COL5A1: variants seen among roughly 807,000 people sequenced by gnomAD.
COL5A1 encodes collagen alpha-1(V) chain.
Under a neutral mutation model 263.7 loss-of-function variants are expected in COL5A1, and 16 were observed. The observed-to-expected ratio is 0.06, with a 90% CI of 0.04 to 0.09. COL5A1 has a LOEUF of 0.09. Among genes scored for constraint, COL5A1 ranks in the 10% least tolerant of loss-of-function variants. The pLI, the probability that COL5A1 is intolerant of heterozygous loss-of-function variation, is 1.00. For missense variants in COL5A1, 2,036 were observed against 2,540.5 expected (o/e 0.80, Z 4.27); for synonymous variants, 1,012 against 1,004.5 (o/e 1.01, Z -0.14).
In COL5A1 at chr9:134,814,156, C is replaced by T. The variant is rs1473559922; in HGVS notation, c.3906+120C>T. On this transcript the variant is annotated intron_variant, in intron 49 of 65. Transcript: ENST00000371817. ...TCCATCCACGAAATGGGAGTTGTAA[C>T]CCCTCTTGTGCCCATTTCATGGAAT... 20 of 990,166 alleles carry T rather than the reference C, an allele frequency of 2.0e-5. No individual in the cohort carries two copies. In the East Asian group the frequency reaches 5.0e-4, roughly 25 times the overall value. 61.3% of individuals were successfully genotyped at this position (990,166 alleles called of 1,614,324 possible).
intron 4 of COL5A1, among the ~76,000 whole-genome samples, chr9:134,713,137 C>A (rs1284562957): frequency 1.3e-5 from 2 of 152,256 alleles, no homozygotes; most frequent in Non-Finnish European, 2.9e-5. Context: ...AGCCACGTGG[C>A]CTCACCCTGC....
chr9:134,832,855 TC>T (rs1839699293), intron 64 of COL5A1: 1 of 152,272 alleles, frequency 6.6e-6, no homozygotes, highest in Admixed American at 6.5e-5. Context: ...GGCCAGCTGC[TC>T]ACTTTGGGCT....
intron 60 of COL5A1, 87 bp downstream of exon 60, chr9:134,823,120 C>A: frequency 6.9e-7 from 1 of 1,455,646 alleles, no homozygotes; most frequent in Non-Finnish European, 9.6e-7. Flanking sequence ...ACTACCCAGA[C>A]AACCGTCCTA....
chr9:134,642,049 G>A lies in COL5A1; in HGVS notation c.-139G>A, dbSNP rs886063672. ...AACAGCCGCCGCCACAAAGAAGAAC[G>A]GGGGGTGCCGAGGTCCCCATGACCT... On this transcript the variant is annotated 5_prime_UTR_variant, in exon 1 of 66. Coordinates refer to ENST00000371817, the MANE Select transcript of COL5A1 (RefSeq NM_000093.5). The surrounding 1 kb of genome is among the most constrained non-coding windows in gnomAD (Gnocchi z 4.5). The A allele has an allele frequency of 8.6e-6, 6 of 701,582 alleles. No individual in the cohort carries two copies. The East Asian group carries it at 1.0e-4, about 12-fold the overall frequency. The allele number at this position is 701,582 out of a possible 1,614,324, so 43.5% of individuals were successfully genotyped here.
intron 65 of COL5A1, among the ~76,000 whole-genome samples, chr9:134,840,317 A>G (rs1334698324): frequency 6.6e-6 from 1 of 152,196 alleles, no homozygotes; most frequent in African/African-American, 2.4e-5. Flanking sequence ...GGGCAGGGTC[A>G]GGGGAGAAGT....
At chr9:134,768,547 G>A in intron 25 of COL5A1, 84 bp downstream of exon 25, 3 of 1,403,632 alleles carry the variant, frequency 2.1e-6, no homozygotes, top group Non-Finnish European at 2.0e-6. Context: ...GCTCTTTGGG[G>A]TTGTTGTTGG....
Position 134,818,606 on chromosome 9 carries a change from G to A in COL5A1, c.4231-50G>A, listed in dbSNP as rs773268291. 2.2e-6 allele frequency: 3 copies of A among 1,391,564 alleles called. No homozygotes were observed. The highest frequency in any genetic ancestry group is 1.4e-5 in the African/African-American group (1 of 70,184). 86.2% of individuals were successfully genotyped at this position (1,391,564 alleles called of 1,614,324 possible). On this transcript the variant is annotated intron_variant, in intron 54 of 65. Transcript: ENST00000371817. This position sits in a 1 kb window ranked among gnomAD's most constrained non-coding sequence, Gnocchi z 6.0. ...CCGAGCAGTGGTCCTGGGCCAGGGT[G>A]CCTGGAGCCTAGAGCTCCGGACCTC...
intron 11 of COL5A1, among the ~76,000 whole-genome samples, chr9:134,740,482 TC>T (rs1362703200): frequency 2.6e-5 from 4 of 152,232 alleles, no homozygotes; most frequent in Non-Finnish European, 5.9e-5. Context: ...CTGTTTTCTC[TC>T]CCAGATGTAG....
intron 9 of COL5A1, chr9:134,732,638 A>T (rs1356220758): frequency 1.4e-5 from 3 of 216,946 alleles, no homozygotes; most frequent in Non-Finnish European, 2.8e-5. Flanking sequence ...AACTTTATCA[A>T]GGGAATGAAA....
rs550962467 is a variant in COL5A1 at position 134,818,541 on chromosome 9, A to G, written c.4231-115A>G. Reference sequence around the variant, plus strand: ...GTGGAGAATTAGGGCAACCCCGGATATGGGGTCACCTGGGACTCCTCCAGA... The same window carrying G: ...GTGGAGAATTAGGGCAACCCCGGATGTGGGGTCACCTGGGACTCCTCCAGA... On this transcript the variant is annotated intron_variant, in intron 54 of 65. Transcript: ENST00000371817. This position sits in a 1 kb window ranked among gnomAD's most constrained non-coding sequence, Gnocchi z 6.0. The G allele has an allele frequency of 1.8e-4, 136 of 739,210 alleles. No individual in the cohort carries two copies. The highest frequency in any genetic ancestry group is 1.1e-3 in the Middle Eastern group (3 of 2,738). The allele number at this position is 739,210 out of a possible 1,614,324, so 45.8% of individuals were successfully genotyped here.
At chr9:134,739,358 G>A (rs1835220127) in intron 11 of COL5A1, among the ~76,000 whole-genome samples, 1 of 152,260 alleles carries the variant, frequency 6.6e-6, no homozygotes. Flanking sequence ...GTCCGGCGGG[G>A]CGGGAGTTTT....
At chr9:134,707,888 C>T (rs534739244) in intron 4 of COL5A1, among the ~76,000 whole-genome samples, 13 of 152,186 alleles carry the variant, frequency 8.5e-5, no homozygotes, top group South Asian at 8.3e-4. Context: ...GCAGACTTCC[C>T]GGCACACAGG....
chr9:134,754,339 A>C lies in COL5A1; in HGVS notation c.1827+13A>C. On this transcript the variant is annotated intron_variant, in intron 16 of 65. Transcript: ENST00000371817. The surrounding 1 kb of genome is among the most constrained non-coding windows in gnomAD (Gnocchi z 4.3). ...GCCCGGAAGACGGGTGAGTGGTGCG[A>C]GTGTGTGTGGTTTAGTGACAGCAGC... is the stretch of plus-strand genomic sequence containing the variant. 1 of 1,613,864 alleles carries C rather than the reference A, an allele frequency of 6.2e-7. No homozygotes were observed. The highest frequency in any genetic ancestry group is 8.5e-7 in the Non-Finnish European group (1 of 1,179,976).
At chr9:134,795,877 G>A (rs930128012) in intron 34 of COL5A1, among the ~76,000 whole-genome samples, 2 of 152,218 alleles carry the variant, frequency 1.3e-5, no homozygotes, top group African/African-American at 4.8e-5. Context: ...TCTTCCAAGG[G>A]CTGAGGGGCC....
At chr9:134,823,799 G>A (rs1175174992) in intron 61 of COL5A1, among the ~76,000 whole-genome samples, 3 of 152,190 alleles carry the variant, frequency 2.0e-5, no homozygotes, top group African/African-American at 7.2e-5. Flanking sequence ...GTCTGTATGT[G>A]TACGTGCATC....
In COL5A1 at chr9:134,842,204, A is replaced by G; in HGVS notation, c.5418A>G (p.Lys1806=). 6.2e-7 allele frequency: 1 copy of G among 1,614,152 alleles called. No individual in the cohort carries two copies. Among genetic ancestry groups the G allele is most frequent in the Non-Finnish European group, 8.5e-7 (1 of 1,180,028 alleles). The change falls in exon 66 of 66, where the codon AAA becomes AAG. Residue 1806 remains lysine (K), a synonymous_variant. Coordinates refer to ENST00000371817, the MANE Select transcript of COL5A1 (RefSeq NM_000093.5). The surrounding 1 kb of genome is among the most constrained non-coding windows in gnomAD (Gnocchi z 5.8). ...CGGTTCTGGAGATCGACACCCCCAA[A>G]GTGGAGCAGGTGCCCATCGTGGACA... The part of the protein sequence containing the change: ...QKTVLEIDTP[K]VEQVPIVDIM...
In COL5A1 at chr9:134,745,282, G is replaced by A. The variant is rs890974648; in HGVS notation, c.1495-5260G>A. 2.0e-5 allele frequency among the ~76,000 whole-genome samples: 3 copies of A among 152,230 alleles called. No homozygotes were observed. The South Asian group carries it at 6.2e-4, about 32-fold the overall frequency. ...AAGTACAGTTTGTGGAGAGAGAGGTGAAGGGAGCAAAGGCCTCGGGACATT... is the reference window on the plus strand; with the variant it reads ...AAGTACAGTTTGTGGAGAGAGAGGTAAAGGGAGCAAAGGCCTCGGGACATT... On this transcript the variant is annotated intron_variant, in intron 11 of 65. Coordinates refer to ENST00000371817, the MANE Select transcript of COL5A1 (RefSeq NM_000093.5).
Position 134,716,485 on chromosome 9 carries a change from C to T in COL5A1, c.655-10781C>T, listed in dbSNP as rs1408215225. Among the ~76,000 whole-genome samples, 7 of 152,288 alleles carry T rather than the reference C, an allele frequency of 4.6e-5. No individual in the cohort carries two copies. The highest frequency in any genetic ancestry group is 3.3e-4 in the Admixed American group (5 of 15,308). ...AGATGTGGAGAAGGAGCAGCTCAAG[C>T]GTGCACTGCCCAAGCCACAAGTGCA... is the stretch of plus-strand genomic sequence containing the variant. On this transcript the variant is annotated intron_variant, in intron 4 of 65. Coordinates refer to ENST00000371817, the MANE Select transcript of COL5A1 (RefSeq NM_000093.5). This position sits in a 1 kb window ranked among gnomAD's most constrained non-coding sequence, Gnocchi z 4.5.
intron 4 of COL5A1, among the ~76,000 whole-genome samples, chr9:134,719,900 C>T (rs569878031): frequency 3.3e-5 from 5 of 152,156 alleles, no homozygotes; most frequent in Non-Finnish European, 5.9e-5. Context: ...AGGAGAGCCA[C>T]AGGCCACTGC....
Sources: gnomAD v4.1 joint callset for allele counts (sites outside exome capture counted in the v4.1 genomes callset) on GRCh38, gnomAD v4.1.1 for gene constraint, Gnocchi (gnomAD v3.1) non-coding constraint, MANE v1.5 for transcripts, NCBI Gene and HGNC (gene_info 2026-07-23, HGNC 2026-07-21) for gene names.